CPSF4: variants seen among roughly 807,000 people sequenced by gnomAD.
CPSF4 encodes cleavage and polyadenylation specificity factor subunit 4.
CPSF4 carries 11 observed loss-of-function variants against 37.7 expected under a neutral mutation model. The ratio of observed to expected loss-of-function variants is 0.29; its 90% CI spans 0.18 to 0.48. The LOEUF (loss-of-function observed/expected upper bound fraction) is 0.48. Among genes scored for constraint, CPSF4 ranks in the 20% least tolerant of loss-of-function variants. CPSF4 has a pLI of 0.99. For synonymous variants in CPSF4, 132 were observed against 135.9 expected, an observed-to-expected ratio of 0.97 and a Z score of 0.20; for missense variants, 144 against 359.5, an observed-to-expected ratio of 0.40 and a Z score of 4.85.
At chr7:99,440,571 G>C (rs541704627) in intron 1 of CPSF4, among the ~76,000 whole-genome samples, 1 of 149,006 alleles carries the variant, frequency 6.7e-6, no homozygotes, top group East Asian at 2.0e-4. Flanking sequence ...TCCCAGGGTT[G>C]GTCTTGAACT....
At chr7:99,445,144 CA>C (rs1279630771) in intron 2 of CPSF4, among the ~76,000 whole-genome samples, 1 of 152,226 alleles carries the variant, frequency 6.6e-6, no homozygotes, top group Non-Finnish European at 1.5e-5. Context: ...CTCAATGTCA[CA>C]GAGTTAATAA....
Position 99,453,792 on chromosome 7 carries a change from C to T in CPSF4, c.571-174C>T, listed in dbSNP as rs1355654143. ...CATGGTGTTTTTCGGGCAGTGGCTT[C>T]TGCCATCATCACCACATGTTTCTCT... is the stretch of plus-strand genomic sequence containing the variant. On this transcript the variant is annotated intron_variant, in intron 6 of 7. Coordinates refer to ENST00000292476, the MANE Select transcript of CPSF4 (RefSeq NM_006693.4). This position sits in a 1 kb window ranked among gnomAD's most constrained non-coding sequence, Gnocchi z 4.7. 8.1e-6 allele frequency: 5 copies of T among 616,330 alleles called. No individual in the cohort carries two copies. The highest frequency in any genetic ancestry group is 2.9e-6 in the Non-Finnish European group (1 of 349,424). 38.2% of individuals were successfully genotyped at this position (616,330 alleles called of 1,614,324 possible). A position where few individuals can be genotyped will look rare whatever the true frequency, so the allele number is the denominator to read the frequency against.
At chr7:99,450,063 G>A (rs1584506773) in intron 3 of CPSF4, among the ~76,000 whole-genome samples, 1 of 152,148 alleles carries the variant, frequency 6.6e-6, no homozygotes, top group East Asian at 1.9e-4. Context: ...TCTTAGATGT[G>A]AAGAGCCAAT....
rs1471336989 is a variant in CPSF4 at position 99,452,383 on chromosome 7, G to A, written c.513G>A (p.Leu171=). ...TGGTGACCAGCCCTCGATTTGAACT[G>A]CCCATGGGAACCACCGAGCAGCCCC... is the stretch of plus-strand genomic sequence containing the variant. The part of the protein sequence containing the change: ...SCKFMHPRFE[L]PMGTTEQPPL... The change falls in exon 6 of 8, where the codon CTG becomes CTA. Residue 171 remains leucine (L), a synonymous_variant. Transcript: ENST00000292476. The A allele has an allele frequency of 1.2e-6, 2 of 1,613,878 alleles. No homozygotes were observed. The highest frequency in any genetic ancestry group is 1.7e-6 in the Non-Finnish European group (2 of 1,179,932).
chr7:99,448,423 C>G lies in CPSF4; in HGVS notation c.307+150C>G. The G allele has an allele frequency of 1.5e-6, 1 of 686,780 alleles. No individual in the cohort carries two copies. Among genetic ancestry groups the G allele is most frequent in the South Asian group, 2.2e-5 (1 of 46,470 alleles). 42.5% of individuals were successfully genotyped at this position (686,780 alleles called of 1,614,324 possible). ...GGCAGAACCTGCCAGCCTCAGCCAG[C>G]TTTTAGGGGACAGTGTGGCTATTTT... On this transcript the variant is annotated intron_variant, in intron 3 of 7. Coordinates refer to ENST00000292476, the MANE Select transcript of CPSF4 (RefSeq NM_006693.4). This position sits in a 1 kb window ranked among gnomAD's most constrained non-coding sequence, Gnocchi z 4.4.
At position 99,456,541 on chromosome 7, in the gene CPSF4, T is replaced by C; in HGVS notation, c.*41T>C. On this transcript the variant is annotated 3_prime_UTR_variant, in exon 8 of 8. Coordinates refer to ENST00000292476, the MANE Select transcript of CPSF4 (RefSeq NM_006693.4). ...GCTCCGAGCAGCCCGGGGGCCCCGC[T>C]GTTGGGAGTGTGCATTTAACTGTTT... 1 of 1,542,978 alleles carries C rather than the reference T, an allele frequency of 6.5e-7. No homozygotes were observed. The highest frequency in any genetic ancestry group is 2.2e-5 in the East Asian group (1 of 44,540).
At chr7:99,442,500 C>CA (rs1797077446) in intron 1 of CPSF4, among the ~76,000 whole-genome samples, 2 of 151,308 alleles carry the variant, frequency 1.3e-5, no homozygotes, top group African/African-American at 2.4e-5. Context: ...ACTAAAAATA[C>CA]AAAAAATTAG....
At chr7:99,452,550 G>A (rs1364312983) in intron 6 of CPSF4, 110 bp downstream of exon 6, 3 of 940,852 alleles carry the variant, frequency 3.2e-6, no homozygotes, top group Admixed American at 2.0e-5. Context: ...CAACTTGGGA[G>A]AGGAGGGGAG....
intron 1 of CPSF4, chr7:99,441,430 C>T (rs1172897762): frequency 2.2e-6 from 1 of 456,182 alleles, no homozygotes; most frequent in Non-Finnish European, 4.4e-6. Flanking sequence ...ATGGGTGTTG[C>T]TCCAGCCAGG....
At position 99,442,751 on chromosome 7, in the gene CPSF4, C is replaced by T. The variant is rs924532471; in HGVS notation, c.104-2038C>T. 95 of 603,852 alleles carry T rather than the reference C, an allele frequency of 1.6e-4. No individual in the cohort carries two copies. In the East Asian group the frequency reaches 2.3e-3, roughly 15 times the overall value. The allele number at this position is 603,852 out of a possible 1,614,324, so 37.4% of individuals were successfully genotyped here. A position where few individuals can be genotyped will look rare whatever the true frequency, so the allele number is the denominator to read the frequency against. ...GAAACAGCAATAAGTCAAACTGCCG[C>T]GGCAGTTCACAGTTTTACCTGGGGT... On this transcript the variant is annotated intron_variant, in intron 1 of 7. Transcript: ENST00000292476.
intron 1 of CPSF4, chr7:99,442,882 A>C: frequency 8.4e-7 from 1 of 1,185,210 alleles, no homozygotes; most frequent in South Asian, 1.2e-5. Flanking sequence ...AGAACCTTTC[A>C]TCAGGCAATG....
In CPSF4 at chr7:99,456,609, A is replaced by G. The variant is rs774478742; in HGVS notation, c.*109A>G. On this transcript the variant is annotated 3_prime_UTR_variant, in exon 8 of 8. Transcript: ENST00000292476. ...GACTGTGGCTCGAGCTGGCCCGCAG[A>G]CACGTGGGTTTCATCACTCTGAGGG... 3 of 890,128 alleles carry G rather than the reference A, an allele frequency of 3.4e-6. No individual in the cohort carries two copies. The highest frequency in any genetic ancestry group is 5.5e-6 in the Non-Finnish European group (3 of 548,158). The allele number at this position is 890,128 out of a possible 1,614,324, so 55.1% of individuals were successfully genotyped here. A position where few individuals can be genotyped will look rare whatever the true frequency, so the allele number is the denominator to read the frequency against.
intron 4 of CPSF4, 84 bp downstream of exon 4, chr7:99,450,455 T>C (rs1405724055): frequency 2.1e-6 from 2 of 973,220 alleles, no homozygotes; most frequent in Non-Finnish European, 3.2e-6. Context: ...CCAGCTGGTC[T>C]ACCTGTCCCA....
intron 1 of CPSF4, chr7:99,441,504 T>C (rs1203272509): frequency 2.2e-6 from 1 of 456,240 alleles, no homozygotes; most frequent in Admixed American, 2.3e-5. Flanking sequence ...AGTTAAAGCC[T>C]AGTGAGGCCA....
intron 5 of CPSF4, 61 bp downstream of exon 5, chr7:99,450,856 G>C: frequency 2.3e-6 from 3 of 1,287,078 alleles, no homozygotes; most frequent in Admixed American, 1.7e-5. Flanking sequence ...GCTGCCCTCC[G>C]TATCTTCCCT....
chr7:99,440,231 G>A (rs1796770675), intron 1 of CPSF4, among the ~76,000 whole-genome samples: 1 of 152,110 alleles, frequency 6.6e-6, no homozygotes, highest in Non-Finnish European at 1.5e-5. Context: ...GTTGTGTGCT[G>A]TCGCCCACAA....
Position 99,452,444 on chromosome 7 carries a change from C to T in CPSF4, c.570+4C>T. On this transcript the variant is annotated splice_donor_region_variant and intron_variant, in intron 6 of 7. Transcript: ENST00000292476. Reference sequence around the variant, plus strand: ...GCAGACACAGCCTCCAGCAAAGGTACCGTGCCTGGCCTTCCTCGGTAGGAA... The same window carrying T: ...GCAGACACAGCCTCCAGCAAAGGTATCGTGCCTGGCCTTCCTCGGTAGGAA... 6.2e-7 allele frequency: 1 copy of T among 1,613,172 alleles called. No individual in the cohort carries two copies. The highest frequency in any genetic ancestry group is 8.5e-7 in the Non-Finnish European group (1 of 1,179,326).
intron 7 of CPSF4, among the ~76,000 whole-genome samples, chr7:99,456,036 T>A (rs1009803921): frequency 2.0e-5 from 3 of 152,240 alleles, no homozygotes; most frequent in African/African-American, 7.2e-5. Flanking sequence ...GCAGAAGGGC[T>A]TGGTCCCCAG....
intron 1 of CPSF4, among the ~76,000 whole-genome samples, chr7:99,442,684 A>C (rs1425930279): frequency 6.6e-6 from 1 of 151,580 alleles, no homozygotes; most frequent in Non-Finnish European, 1.5e-5. Flanking sequence ...AACAAAAAAC[A>C]AGCAATATAA....
Sources: gnomAD v4.1 joint callset for allele counts (sites outside exome capture counted in the v4.1 genomes callset) on GRCh38, gnomAD v4.1.1 for gene constraint, Gnocchi (gnomAD v3.1) non-coding constraint, MANE v1.5 for transcripts, NCBI Gene and HGNC (gene_info 2026-07-23, HGNC 2026-07-21) for gene names.